Variants in SPON1 observed in about 807,000 individuals in gnomAD.
SPON1 encodes spondin 1.
A neutral mutation model predicts 111.7 loss-of-function variants in SPON1; 52 were observed. That is an observed-to-expected ratio of 0.47 (90% confidence interval 0.37 to 0.59). SPON1 has a LOEUF of 0.59. SPON1 is among the 20% of genes least tolerant of loss of function. The pLI is 0.00. For synonymous variants in SPON1, 410 were observed against 395.8 expected (o/e 1.04, Z -0.43); for missense variants, 957 against 1,068.5 (o/e 0.90, Z 1.46).
In SPON1 at chr11:14,009,017, C is replaced by T. The variant is rs117843474; in HGVS notation, c.345+26064C>T. Among the ~76,000 whole-genome samples the T allele has an allele frequency of 8.6e-3, 1,308 of 152,286 alleles. 6 individuals are homozygous for T. The highest frequency in any genetic ancestry group is 0.012 in the Non-Finnish European group (835 of 68,036). On this transcript the variant is annotated intron_variant, in intron 2 of 15. Coordinates refer to ENST00000576479, the MANE Select transcript of SPON1 (RefSeq NM_006108.4). ...ACATACTCCTGGACGACCATAGTAA[C>T]CTTTCTGCATCCATTTTTGGCACCT...
At chr11:14,053,817 T>C (rs1848725138) in intron 3 of SPON1, among the ~76,000 whole-genome samples, 1 of 152,116 alleles carries the variant, frequency 6.6e-6, no homozygotes, top group Non-Finnish European at 1.5e-5. Flanking sequence ...CAAAAATGGG[T>C]TGATTAGATC....
At chr11:14,155,355 C>G (rs181518125) in intron 6 of SPON1, among the ~76,000 whole-genome samples, 142 of 152,252 alleles carry the variant, frequency 9.3e-4, no homozygotes, top group African/African-American at 3.3e-3. Flanking sequence ...CACAGTTCCA[C>G]AGGCTATACA....
intron 5 of SPON1, among the ~76,000 whole-genome samples, chr11:14,107,883 A>C (rs1349757321): frequency 6.6e-6 from 1 of 152,234 alleles, no homozygotes; most frequent in Non-Finnish European, 1.5e-5. Context: ...ATAATGGACT[A>C]TTGTGAGTCA....
chr11:14,246,119 G>T (rs1259024221), intron 7 of SPON1, among the ~76,000 whole-genome samples: 1 of 152,144 alleles, frequency 6.6e-6, no homozygotes. Context: ...GGGAGAGTTT[G>T]TGGGTACCAA....
chr11:14,260,753 G>GT lies in SPON1; in HGVS notation c.1996+2dup, dbSNP rs1564944180. On this transcript the variant is annotated splice_donor_variant, in intron 14 of 15. Coordinates refer to ENST00000576479, the MANE Select transcript of SPON1 (RefSeq NM_006108.4). LOFTEE classifies it high-confidence loss of function. ...GAGAAGTGCATGCTCCCTGAATGCC[G>GT]TAAGTCCTGGAGCTCCTCAAGGCCC... is the stretch of plus-strand genomic sequence containing the variant. The GT allele has an allele frequency of 2.5e-6, 4 of 1,612,606 alleles. No homozygotes were observed. The highest frequency in any genetic ancestry group is 2.2e-5 in the East Asian group (1 of 44,832).
chr11:14,091,363 C>T (rs542831888), intron 5 of SPON1, among the ~76,000 whole-genome samples: 12 of 152,308 alleles, frequency 7.9e-5, no homozygotes, highest in South Asian at 6.2e-4. Flanking sequence ...TGGGACTGGG[C>T]GCCGTGGAGC....
chr11:14,224,932 G>A (rs1256438938), intron 6 of SPON1, among the ~76,000 whole-genome samples: 2 of 152,178 alleles, frequency 1.3e-5, no homozygotes, highest in African/African-American at 4.8e-5. Flanking sequence ...TAAAACGGGA[G>A]GCAGGAACTG....
chr11:14,039,436 G>C (rs1170611979), intron 2 of SPON1, among the ~76,000 whole-genome samples: 6 of 152,144 alleles, frequency 3.9e-5, no homozygotes, highest in Non-Finnish European at 8.8e-5. Flanking sequence ...GTGTATGTGT[G>C]TGTAGGGGTG....
intron 2 of SPON1, among the ~76,000 whole-genome samples, chr11:14,021,930 T>C (rs1303182955): frequency 6.6e-6 from 1 of 152,186 alleles, no homozygotes; most frequent in Non-Finnish European, 1.5e-5. Flanking sequence ...AGGGATGTAA[T>C]TAACTCACCC....
chr11:14,187,913 C>A (rs1848304195), intron 6 of SPON1, among the ~76,000 whole-genome samples: 1 of 152,182 alleles, frequency 6.6e-6, no homozygotes, highest in African/African-American at 2.4e-5. Context: ...TCCTGAGTAG[C>A]TGGGATTACA....
intron 6 of SPON1, among the ~76,000 whole-genome samples, chr11:14,147,302 G>A (rs563868178): frequency 6.6e-6 from 1 of 151,980 alleles, no homozygotes; most frequent in South Asian, 2.1e-4. Flanking sequence ...CCAAAGTGCT[G>A]GGATTACAGG....
chr11:14,145,628 C>T (rs1847708400), intron 6 of SPON1, among the ~76,000 whole-genome samples: 1 of 152,136 alleles, frequency 6.6e-6, no homozygotes, highest in African/African-American at 2.4e-5. Flanking sequence ...GGTATATTCA[C>T]ATTGTTGTGT....
At chr11:13,969,300 C>T (rs1254386905) in intron 1 of SPON1, among the ~76,000 whole-genome samples, 1 of 151,444 alleles carries the variant, frequency 6.6e-6, no homozygotes, top group Non-Finnish European at 1.5e-5. Flanking sequence ...GCAGGAGGAT[C>T]TCTTGAGCTG....
intron 6 of SPON1, among the ~76,000 whole-genome samples, chr11:14,148,240 A>C (rs1186000266): frequency 6.6e-6 from 1 of 152,220 alleles, no homozygotes; most frequent in Admixed American, 6.5e-5. Context: ...AAAAAAGAAA[A>C]TGCAGCAGGG....
At chr11:14,024,806 C>A (rs1278818571) in intron 2 of SPON1, among the ~76,000 whole-genome samples, 2 of 152,228 alleles carry the variant, frequency 1.3e-5, no homozygotes, top group African/African-American at 4.8e-5. Context: ...CCCTGCCCTA[C>A]TTCCGCATCA....
Position 13,982,964 on chromosome 11 carries a change from G to A in SPON1, c.345+11G>A, listed in dbSNP as rs1296547344. On this transcript the variant is annotated intron_variant, in intron 2 of 15. Coordinates refer to ENST00000576479, the MANE Select transcript of SPON1 (RefSeq NM_006108.4). ...GCTGGGACCTTCCAGGTAAGACCCT[G>A]CCTGGGCTTATTCAGTGGCCCTCCC... The A allele has an allele frequency of 2.0e-6, 3 of 1,519,724 alleles. No homozygotes were observed. Among genetic ancestry groups the A allele is most frequent in the Non-Finnish European group, 2.7e-6 (3 of 1,117,502 alleles). The allele number at this position is 1,519,724 out of a possible 1,614,324, so 94.1% of individuals were successfully genotyped here. A position where few individuals can be genotyped will look rare whatever the true frequency, so the allele number is the denominator to read the frequency against.
chr11:14,149,531 G>A (rs7117061), intron 6 of SPON1, among the ~76,000 whole-genome samples: 59,300 of 151,932 alleles, frequency 0.39, 11,815 homozygotes, highest in East Asian at 0.55. Context: ...TAAGTGTACA[G>A]TGTTTATTAA....
At chr11:14,208,779 T>C (rs1471647616) in intron 6 of SPON1, among the ~76,000 whole-genome samples, 2 of 152,228 alleles carry the variant, frequency 1.3e-5, no homozygotes, top group Admixed American at 6.5e-5. Context: ...CAAATTGTCA[T>C]GTATAAATAG....
At chr11:14,069,720 C>G (rs1466581482) in intron 3 of SPON1, among the ~76,000 whole-genome samples, 1 of 151,956 alleles carries the variant, frequency 6.6e-6, no homozygotes, top group Non-Finnish European at 1.5e-5. Context: ...GATAATTAAT[C>G]AGGAATAATC....
Sources: allele counts gnomAD v4.1 joint callset (sites outside exome capture counted in the v4.1 genomes callset), GRCh38; gene constraint gnomAD v4.1.1; transcripts MANE v1.5; gene names NCBI Gene and HGNC (gene_info 2026-07-23, HGNC 2026-07-21).